Variants in FGG observed in about 807,000 individuals in gnomAD.
FGG encodes fibrinogen, gamma polypeptide.
Under a neutral mutation model 51.7 loss-of-function variants are expected in FGG, and 20 were observed. The ratio of observed to expected loss-of-function variants is 0.39; its 90% CI spans 0.27 to 0.56. The LOEUF (loss-of-function observed/expected upper bound fraction) is 0.56. Ranked by LOEUF, FGG falls within the 20% of genes least tolerant of loss-of-function variation. FGG has a pLI of 0.64. For missense variants in FGG, 460 were observed against 534.2 expected, an observed-to-expected ratio of 0.86 and a Z score of 1.37; for synonymous variants, 184 against 184.7, an observed-to-expected ratio of 1.00 and a Z score of 0.03.
chr4:154,612,231 G>C lies in FGG; in HGVS notation c.124-30C>G, dbSNP rs79566582. ...AAATATAACAGTGATTAAAAATGTA[G>C]ACAGATGCTACTCTTAAAATCTATT... On this transcript the variant is annotated intron_variant, in intron 2 of 8. Coordinates refer to ENST00000336098, the MANE Select transcript of FGG (RefSeq NM_021870.3). 1.1e-3 allele frequency: 1,803 copies of C among 1,604,680 alleles called. 21 individuals are homozygous for C. In the African/African-American group the frequency reaches 0.022, roughly 20 times the overall value.
chr4:154,604,970 G>A lies in FGG; in HGVS notation c.1226C>T (p.Thr409Ile). ...TCTGTTGAATGGGATTATCTTCATA[G>A]TGGTTTTCTTCATGGAATACCACCG... ...KTRWYSMKKT[T>I]MKIIPFNRLT... The change falls in exon 9 of 9, where the codon ACT becomes ATT. Residue 409 changes from threonine to isoleucine, a missense_variant. This residue lies in a region of FGG where 92 missense variants were observed against 93.7 expected (regional missense o/e 0.98). Transcript: ENST00000336098. 6.2e-7 allele frequency: 1 copy of A among 1,614,100 alleles called. No homozygotes were observed. Among genetic ancestry groups the A allele is most frequent in the African/African-American group, 1.3e-5 (1 of 75,026 alleles).
Position 154,604,419 on chromosome 4 carries a change from G to A in FGG, c.*415C>T. 2 of 1,345,222 alleles carry A rather than the reference G, an allele frequency of 1.5e-6. No homozygotes were observed. Among genetic ancestry groups the A allele is most frequent in the South Asian group, 3.0e-5 (2 of 67,734 alleles). The allele number at this position is 1,345,222 out of a possible 1,614,324, so 83.3% of individuals were successfully genotyped here. Reference sequence around the variant, plus strand: ...CATAATTTTCTCCATTTAAAAAGAAGAATTAAATAGGAATGATTTAGGGGT... The same window carrying A: ...CATAATTTTCTCCATTTAAAAAGAAAAATTAAATAGGAATGATTTAGGGGT... On this transcript the variant is annotated 3_prime_UTR_variant, in exon 9 of 9. Coordinates refer to ENST00000336098, the MANE Select transcript of FGG (RefSeq NM_021870.3).
At position 154,604,772 on chromosome 4, in the gene FGG, G is replaced by A. The variant is rs928384645; in HGVS notation, c.*62C>T. 4 of 1,608,600 alleles carry A rather than the reference G, an allele frequency of 2.5e-6. No individual in the cohort carries two copies. The highest frequency in any genetic ancestry group is 3.4e-6 in the Non-Finnish European group (4 of 1,178,676). Reference sequence around the variant, plus strand: ...TCAATAAATATAGTAAGAGAAAAAAGGAAGAAACTTTCAGAGAATTTCTGA... The same window carrying A: ...TCAATAAATATAGTAAGAGAAAAAAAGAAGAAACTTTCAGAGAATTTCTGA... On this transcript the variant is annotated 3_prime_UTR_variant, in exon 9 of 9. Transcript: ENST00000336098.
chr4:154,604,550 A>G lies in FGG; in HGVS notation c.*284T>C, dbSNP rs1731061170. The G allele has an allele frequency of 7.9e-6, 9 of 1,143,852 alleles. No individual in the cohort carries two copies. The highest frequency in any genetic ancestry group is 1.0e-5 in the Non-Finnish European group (9 of 860,938). The allele number at this position is 1,143,852 out of a possible 1,614,324, so 70.9% of individuals were successfully genotyped here. The stretch of plus-strand genomic sequence containing the variant: ...ATAATGAAAATAATTTACGAAGACA[A>G]AATAAATGACAAGTGGTCATAAAAA... On this transcript the variant is annotated 3_prime_UTR_variant, in exon 9 of 9. Coordinates refer to ENST00000336098, the MANE Select transcript of FGG (RefSeq NM_021870.3).
In FGG at chr4:154,605,014, A is replaced by G. The variant is rs1011406807; in HGVS notation, c.1182T>C (p.Ile394=). 13 of 1,613,978 alleles carry G rather than the reference A, an allele frequency of 8.1e-6. No individual in the cohort carries two copies. The highest frequency in any genetic ancestry group is 1.1e-5 in the Non-Finnish European group (13 of 1,179,998). ...ACCACCGGGTTTTCCAAGTGGCCCA[A>G]ATAATGCCATTATCATAACCATTAG... ...STPNGYDNGI[I]WATWKTRWYS... is the part of the protein sequence containing the mutation. Residue 394 remains isoleucine (I), a synonymous_variant, in exon 9 of 9, where the codon ATT becomes ATC. Coordinates refer to ENST00000336098, the MANE Select transcript of FGG (RefSeq NM_021870.3).
chr4:154,612,354 G>A, intron 2 of FGG, 37 bp downstream of exon 2: 1 of 1,609,342 alleles, frequency 6.2e-7, no homozygotes, highest in Non-Finnish European at 8.5e-7. Flanking sequence ...CCCCTCTCCA[G>A]TTCACACACA....
At chr4:154,611,578 T>G in intron 4 of FGG, 1 of 418,400 alleles carries the variant, frequency 2.4e-6, no homozygotes, top group Non-Finnish European at 4.2e-6. Flanking sequence ...TTTGAAGACA[T>G]CTAGAACATC....
At chr4:154,607,583 G>A (rs1234510969) in intron 7 of FGG, among the ~76,000 whole-genome samples, 1 of 152,132 alleles carries the variant, frequency 6.6e-6, no homozygotes, top group Non-Finnish European at 1.5e-5. Context: ...TTCTTTCCTG[G>A]AAAAAATTGT....
At chr4:154,609,074 G>A (rs1490349223) in intron 6 of FGG, among the ~76,000 whole-genome samples, 1 of 152,124 alleles carries the variant, frequency 6.6e-6, no homozygotes, top group Non-Finnish European at 1.5e-5. Flanking sequence ...TATAACAGTG[G>A]TGGGAGGTAA....
In FGG at chr4:154,604,816, A is replaced by AAACCCAC; in HGVS notation, c.*17_*18insGTGGGTT. On this transcript the variant is annotated 3_prime_UTR_variant, in exon 9 of 9. Transcript: ENST00000336098. ...TTTCTGAAACTTTGTGGGTCAATAGAAGTTAGCAGTTAATTTTCTACAAAT... is the reference window on the plus strand; with the variant it reads ...TTTCTGAAACTTTGTGGGTCAATAGAAACCCACAGTTAGCAGTTAATTTTCTACAAAT... 3.1e-6 allele frequency: 5 copies of AAACCCAC among 1,613,574 alleles called. No individual in the cohort carries two copies. The South Asian group carries it at 4.4e-5, about 14-fold the overall frequency.
intron 7 of FGG, 96 bp from the exon 8 acceptor site, chr4:154,607,078 T>G (rs1410815282): frequency 6.8e-7 from 1 of 1,460,658 alleles, no homozygotes; most frequent in Admixed American, 2.4e-5. Context: ...ATTTTTGACT[T>G]TGTTTCTTAA....
chr4:154,609,588 A>G (rs752392010), intron 6 of FGG, 42 bp downstream of exon 6: 1 of 1,611,924 alleles, frequency 6.2e-7, no homozygotes. Context: ...GGCAGAAACA[A>G]TGTAGGAATT....
Position 154,606,796 on chromosome 4 carries a change from A to G in FGG, c.1038T>C (p.Asp346=). 1 of 1,614,026 alleles carries G rather than the reference A, an allele frequency of 6.2e-7. No individual in the cohort carries two copies. The highest frequency in any genetic ancestry group is 2.2e-5 in the East Asian group (1 of 44,882). ...MQFSTWDNDN[D]KFEGNCAEQD... Reference sequence around the variant, plus strand: ...GTTCAGCACAGTTGCCTTCAAACTTATCATTGTCATTGTCCCAGGTACTGA... The same window carrying G: ...GTTCAGCACAGTTGCCTTCAAACTTGTCATTGTCATTGTCCCAGGTACTGA... The change falls in exon 8 of 9, where the codon GAT becomes GAC. Residue 346 remains aspartate (D), a synonymous_variant. Transcript: ENST00000336098.
chr4:154,609,431 A>T (rs912648947), intron 6 of FGG, among the ~76,000 whole-genome samples, 199 bp downstream of exon 6: 6 of 152,098 alleles, frequency 3.9e-5, no homozygotes, highest in African/African-American at 7.2e-5. Context: ...CTTATTAGTT[A>T]TGTGGTCTTG....
chr4:154,606,595 TC>T lies in FGG; in HGVS notation c.1129+109del, dbSNP rs1453479376. 3.1e-5 allele frequency: 38 copies of T among 1,225,880 alleles called. No homozygotes were observed. In the Admixed American group the frequency reaches 5.2e-4, roughly 17 times the overall value. The allele number at this position is 1,225,880 out of a possible 1,614,324, so 75.9% of individuals were successfully genotyped here. On this transcript the variant is annotated intron_variant, in intron 8 of 8. Transcript: ENST00000336098. ...AGTTGAAATAAAGAACATGATAAAA[TC>T]CCTACTATCTTTATAAATTATTCTT...
At position 154,608,612 on chromosome 4, in the gene FGG, A is replaced by G; in HGVS notation, c.705T>C (p.Ile235=). 6.2e-7 allele frequency: 1 copy of G among 1,611,242 alleles called. No homozygotes were observed. The highest frequency in any genetic ancestry group is 8.5e-7 in the Non-Finnish European group (1 of 1,179,038). ...DGSVDFKKNW[I]QYKEGFGHLS... is the part of the protein sequence containing the mutation. ...GATGTCCAAATCCTTCTTTATATTG[A>G]ATCCAGTTTTTCTTGAAATCTACAC... The change falls in exon 7 of 9, where the codon ATT becomes ATC. Residue 235 remains isoleucine (I), a synonymous_variant. Transcript: ENST00000336098.
intron 7 of FGG, among the ~76,000 whole-genome samples, chr4:154,607,950 T>A (rs1286552611): frequency 6.6e-6 from 1 of 152,156 alleles, no homozygotes; most frequent in Admixed American, 6.5e-5. Context: ...TTAGGGTAGC[T>A]CATGATTTGA....
intron 8 of FGG, among the ~76,000 whole-genome samples, chr4:154,606,350 GTTA>G (rs1213886161): frequency 6.6e-6 from 1 of 152,188 alleles, no homozygotes; most frequent in Non-Finnish European, 1.5e-5. Context: ...GGGAAGCCAG[GTTA>G]ATGTGTCAAC....
At chr4:154,609,879 T>C (rs921330825) in intron 5 of FGG, 116 bp from the exon 6 acceptor site, 2 of 1,553,698 alleles carry the variant, frequency 1.3e-6, no homozygotes, top group Admixed American at 1.7e-5. Flanking sequence ...ATAATTTTCT[T>C]ACTTTTCACA....
Sources: gnomAD v4.1 joint callset for allele counts (sites outside exome capture counted in the v4.1 genomes callset) on GRCh38, gnomAD v4.1.1 for gene constraint, gnomAD v4.1.1 regional missense constraint, MANE v1.5 for transcripts, NCBI Gene and HGNC (gene_info 2026-07-23, HGNC 2026-07-21) for gene names.